Variants in GFRAL observed in about 807,000 individuals in gnomAD.
The protein encoded by GFRAL is GDNF family receptor alpha like.
Under a neutral mutation model 45.4 loss-of-function variants are expected in GFRAL, and 36 were observed. The observed-to-expected ratio is 0.79, with a 90% CI of 0.61 to 1.05. The LOEUF (loss-of-function observed/expected upper bound fraction) is 1.05, where lower values mean the gene tolerates loss of function less well. Among genes scored for constraint, GFRAL ranks in the 50% least tolerant of loss-of-function variants. The probability of loss-of-function intolerance (pLI) is 0.00; values close to 1 mark genes in which losing one functional copy is unlikely to be tolerated. For synonymous variants in GFRAL, 166 were observed against 154.1 expected (o/e 1.08, Z -0.57); for missense variants, 507 against 467.5 (o/e 1.08, Z -0.78).
intron 6 of GFRAL, among the ~76,000 whole-genome samples, chr6:55,360,024 T>G (rs935056372): frequency 1.3e-5 from 2 of 152,016 alleles, no homozygotes; most frequent in African/African-American, 2.4e-5. Context: ...AATGATGAAA[T>G]GGAAAACATA....
rs1020732359 is a variant in GFRAL, at chr6:55,375,754, C to T, written c.952+16616C>T. On this transcript the variant is annotated intron_variant, in intron 6 of 8. Transcript: ENST00000340465. The stretch of plus-strand genomic sequence containing the variant: ...TGAAGTTGCTTATCAGCTTAAGATG[C>T]TTTTGGGCTAAAACAATGGGGTTTT... Among the ~76,000 whole-genome samples, 10 of 152,116 alleles carry T rather than the reference C, an allele frequency of 6.6e-5. 1 individual carries two copies. Among genetic ancestry groups the T allele is most frequent in the African/African-American group, 2.4e-4 (10 of 41,518 alleles).
intron 6 of GFRAL, among the ~76,000 whole-genome samples, chr6:55,387,662 T>C (rs1057406434): frequency 1.3e-5 from 2 of 152,148 alleles, no homozygotes; most frequent in African/African-American, 4.8e-5. Flanking sequence ...AGTAGACATT[T>C]GTGAAGAATC....
chr6:55,340,887 G>A (rs1483879342), intron 3 of GFRAL, among the ~76,000 whole-genome samples: 1 of 152,206 alleles, frequency 6.6e-6, no homozygotes, highest in Non-Finnish European at 1.5e-5. Flanking sequence ...TCCCGTGCCT[G>A]GCTTGGAGGG....
intron 3 of GFRAL, among the ~76,000 whole-genome samples, chr6:55,349,778 T>C (rs561796313): frequency 4.0e-5 from 6 of 151,502 alleles, no homozygotes; most frequent in Non-Finnish European, 8.8e-5. Context: ...TTTTTTTTTT[T>C]TCCCCAGTCA....
At chr6:55,343,697 T>C (rs1006299156) in intron 3 of GFRAL, among the ~76,000 whole-genome samples, 1 of 151,842 alleles carries the variant, frequency 6.6e-6, no homozygotes, top group Non-Finnish European at 1.5e-5. Flanking sequence ...CTGAAGGAAA[T>C]AGAGACACAA....
At chr6:55,372,365 A>G (rs75366224) in intron 6 of GFRAL, among the ~76,000 whole-genome samples, 2,088 of 152,274 alleles carry the variant, frequency 0.014, 54 homozygotes, top group African/African-American at 0.048. Flanking sequence ...TAAGATTCCA[A>G]CCCAATTGCC....
At chr6:55,369,705 CAGTT>C (rs759078889) in intron 6 of GFRAL, among the ~76,000 whole-genome samples, 22 of 148,952 alleles carry the variant, frequency 1.5e-4, no homozygotes, top group Non-Finnish European at 3.3e-4. Context: ...GAAAAAAAAA[CAGTT>C]TGTTTCTGTT....
chr6:55,341,181 C>T (rs1180453087), intron 3 of GFRAL, among the ~76,000 whole-genome samples: 1 of 152,170 alleles, frequency 6.6e-6, no homozygotes, highest in East Asian at 1.9e-4. Flanking sequence ...AATAGTGGTT[C>T]TCGCAGCACA....
Position 55,331,813 on chromosome 6 carries a change from G to T in GFRAL, c.121G>T (p.Ala41Ser). The T allele has an allele frequency of 6.2e-7, 1 of 1,611,428 alleles. No individual in the cohort carries two copies. The highest frequency in any genetic ancestry group is 8.5e-7 in the Non-Finnish European group (1 of 1,178,948). Residue 41 changes from alanine (A) to serine (S), a missense_variant, in exon 2 of 9, where the codon GCT (alanine) becomes TCT (serine). Ala to Ser is a moderately conservative substitution (Grantham distance 99). Transcript: ENST00000340465. Reference sequence around the variant, plus strand: ...ACGTGATGCAAATGGATGTAAACATGCTTGGAGAGTAATGGAAGATGCCTG... The same window carrying T: ...ACGTGATGCAAATGGATGTAAACATTCTTGGAGAGTAATGGAAGATGCCTG... ...CLRDANGCKHAWRVMEDACND... is the reference protein window; with the variant it reads ...CLRDANGCKHSWRVMEDACND...
chr6:55,349,309 T>C (rs1212511727), intron 3 of GFRAL, among the ~76,000 whole-genome samples: 2 of 152,058 alleles, frequency 1.3e-5, no homozygotes, highest in African/African-American at 2.4e-5. Context: ...ATTTATGCCA[T>C]AACAAAACTT....
chr6:55,355,020 T>C (rs964956296), intron 5 of GFRAL, among the ~76,000 whole-genome samples: 3 of 152,086 alleles, frequency 2.0e-5, no homozygotes, highest in South Asian at 4.1e-4. Flanking sequence ...TTTTTATATA[T>C]TAACTTAAAA....
At chr6:55,327,920 C>T (rs1264398036) in intron 1 of GFRAL, among the ~76,000 whole-genome samples, 1 of 151,918 alleles carries the variant, frequency 6.6e-6, no homozygotes, top group Admixed American at 6.6e-5. Context: ...TAAAACCTTC[C>T]AGTATCTATT....
chr6:55,374,101 A>T (rs1196509335), intron 6 of GFRAL, among the ~76,000 whole-genome samples: 1 of 152,196 alleles, frequency 6.6e-6, no homozygotes. Flanking sequence ...ATGGCTGCAT[A>T]GTATCCCATG....
intron 6 of GFRAL, among the ~76,000 whole-genome samples, chr6:55,362,402 T>A (rs2127358149): frequency 6.6e-6 from 1 of 152,152 alleles, no homozygotes. Context: ...GAAAATGCAC[T>A]GAAGAGCCCT....
At chr6:55,359,582 C>T (rs1268675339) in intron 6 of GFRAL, among the ~76,000 whole-genome samples, 1 of 151,908 alleles carries the variant, frequency 6.6e-6, no homozygotes, top group Non-Finnish European at 1.5e-5. Context: ...TTTGGGGGGT[C>T]ACTCATGTGC....
chr6:55,365,905 T>A (rs1166007004), intron 6 of GFRAL, among the ~76,000 whole-genome samples: 1 of 146,870 alleles, frequency 6.8e-6, no homozygotes, highest in Non-Finnish European at 1.5e-5. Context: ...AATTCTCTTT[T>A]TTTGTTGTGT....
At chr6:55,393,129 C>G (rs1768776252) in intron 6 of GFRAL, among the ~76,000 whole-genome samples, 1 of 142,448 alleles carries the variant, frequency 7.0e-6, no homozygotes, top group Non-Finnish European at 1.6e-5. Flanking sequence ...ACATCTTATG[C>G]CTGCACACAT....
chr6:55,333,205 G>C (rs1325339749), intron 2 of GFRAL, among the ~76,000 whole-genome samples: 1 of 151,986 alleles, frequency 6.6e-6, no homozygotes, highest in Non-Finnish European at 1.5e-5. Flanking sequence ...ATAAACTAAG[G>C]TAGTTTTATT....
intron 4 of GFRAL, among the ~76,000 whole-genome samples, chr6:55,350,462 C>T (rs940697038): frequency 6.6e-6 from 1 of 151,976 alleles, no homozygotes; most frequent in Non-Finnish European, 1.5e-5. Context: ...ATCATTTGAT[C>T]CCAGGAGTTT....
Sources: gnomAD v4.1 joint callset for allele counts (sites outside exome capture counted in the v4.1 genomes callset) on GRCh38, gnomAD v4.1.1 for gene constraint, MANE v1.5 for transcripts, NCBI Gene and HGNC (gene_info 2026-07-23, HGNC 2026-07-21) for gene names.